The following ADAM28 variants were observed in gnomAD, a reference collection of about 807,000 sequenced individuals.
ADAM28 encodes ADAM metallopeptidase domain 28, also known as disintegrin and metalloproteinase domain-containing protein 28.
Under a neutral mutation model 101.2 loss-of-function variants are expected in ADAM28, and 105 were observed. The observed-to-expected ratio is 1.04, with a 90% CI of 0.89 to 1.22. The LOEUF (loss-of-function observed/expected upper bound fraction) is 1.22, where lower values mean the gene tolerates loss of function less well. ADAM28 is among the 50% of genes most tolerant of loss of function. The pLI, the probability that ADAM28 is intolerant of heterozygous loss-of-function variation, is 0.00. For missense variants in ADAM28, 1,028 were observed against 945.4 expected, an observed-to-expected ratio of 1.09 and a Z score of -1.15; for synonymous variants, 322 against 310.6, an observed-to-expected ratio of 1.04 and a Z score of -0.39.
At chr8:24,337,412 T>C (rs1814234429) in intron 14 of ADAM28, among the ~76,000 whole-genome samples, 1 of 152,222 alleles carries the variant, frequency 6.6e-6, no homozygotes, top group Non-Finnish European at 1.5e-5. Flanking sequence ...CAATATTAAC[T>C]GTTACCCTCC....
intron 5 of ADAM28, among the ~76,000 whole-genome samples, chr8:24,312,506 C>T (rs1284927108): frequency 6.6e-6 from 1 of 152,046 alleles, no homozygotes; most frequent in Non-Finnish European, 1.5e-5. Context: ...CTTATGCAGA[C>T]CATTGCAATA....
intron 18 of ADAM28, among the ~76,000 whole-genome samples, chr8:24,349,298 C>T (rs1815780770): frequency 6.6e-6 from 1 of 152,060 alleles, no homozygotes; most frequent in South Asian, 2.1e-4. Context: ...TTTGTCAGTA[C>T]AAGAAAAAAC....
At chr8:24,345,852 G>A (rs1305954254) in intron 18 of ADAM28, among the ~76,000 whole-genome samples, 1 of 152,088 alleles carries the variant, frequency 6.6e-6, no homozygotes, top group African/African-American at 2.4e-5. Flanking sequence ...AGCAGGATAA[G>A]GAGGTAGCTG....
intron 13 of ADAM28, among the ~76,000 whole-genome samples, chr8:24,335,188 C>CT (rs1813857237): frequency 6.6e-6 from 1 of 150,724 alleles, no homozygotes; most frequent in Non-Finnish European, 1.5e-5. Context: ...TCGTCCTGTA[C>CT]TTTTCTACAT....
chr8:24,320,997 C>T (rs1273622209), intron 7 of ADAM28, among the ~76,000 whole-genome samples: 1 of 151,870 alleles, frequency 6.6e-6, no homozygotes, highest in Non-Finnish European at 1.5e-5. Flanking sequence ...GAGCTTTATA[C>T]TGAGCTAGTA....
In ADAM28 at chr8:24,313,340, T is replaced by G. The variant is rs756201224; in HGVS notation, c.384-48T>G. On this transcript the variant is annotated intron_variant, in intron 5 of 22. Transcript: ENST00000265769. ...TGGATCTTATAAATCTGTATGAACC[T>G]AATGCAACAATATTTGTTAAGAAGC... 2.0e-6 allele frequency: 3 copies of G among 1,536,180 alleles called. No individual in the cohort carries two copies. The South Asian group carries it at 3.9e-5, about 20-fold the overall frequency.
chr8:24,350,003 C>T (rs905808868), intron 19 of ADAM28, 31 bp downstream of exon 19: 1 of 1,584,750 alleles, frequency 6.3e-7, no homozygotes. Context: ...GCTGTAGGGA[C>T]TCTTTGACCC....
At chr8:24,321,848 A>G (rs999023661) in intron 8 of ADAM28, among the ~76,000 whole-genome samples, 2 of 152,002 alleles carry the variant, frequency 1.3e-5, no homozygotes, top group African/African-American at 4.8e-5. Context: ...ACTATTGACT[A>G]TGTTCTTTAG....
chr8:24,338,997 A>G (rs1814434161), intron 14 of ADAM28, among the ~76,000 whole-genome samples: 1 of 152,028 alleles, frequency 6.6e-6, no homozygotes, highest in Admixed American at 6.6e-5. Context: ...ATATGTGTAA[A>G]TATTAAATAT....
rs2129346585 is a variant in ADAM28 at position 24,354,487 on chromosome 8, ATCTC to A, written c.*84_*87del. The A allele has an allele frequency of 2.5e-6, 2 of 815,016 alleles. No individual in the cohort carries two copies. Among genetic ancestry groups the A allele is most frequent in the South Asian group, 2.1e-5 (1 of 47,232 alleles). The allele number at this position is 815,016 out of a possible 1,614,324, so 50.5% of individuals were successfully genotyped here. Reference sequence around the variant, plus strand: ...TGGATGGCAGAGAAATATACTATCTATCTCACCAGTATTTGCTCTCGACTCAAGA... The same window carrying A: ...TGGATGGCAGAGAAATATACTATCTAACCAGTATTTGCTCTCGACTCAAGA... On this transcript the variant is annotated 3_prime_UTR_variant, in exon 23 of 23. Coordinates refer to ENST00000265769, the MANE Select transcript of ADAM28 (RefSeq NM_014265.6).
At chr8:24,347,203 T>A (rs1195360684) in intron 18 of ADAM28, among the ~76,000 whole-genome samples, 1 of 152,142 alleles carries the variant, frequency 6.6e-6, no homozygotes, top group African/African-American at 2.4e-5. Flanking sequence ...ACTCTATTAG[T>A]ACTGTCAAAT....
chr8:24,343,615 A>G (rs1315539556), intron 18 of ADAM28, 31 bp downstream of exon 18: 64 of 1,598,870 alleles, frequency 4.0e-5, no homozygotes, highest in Non-Finnish European at 5.4e-5. Flanking sequence ...AACCTGAGAA[A>G]ATTGCTCTCC....
chr8:24,342,792 C>G (rs1190467476), intron 16 of ADAM28, among the ~76,000 whole-genome samples: 1 of 152,058 alleles, frequency 6.6e-6, no homozygotes, highest in Non-Finnish European at 1.5e-5. Flanking sequence ...TTTCTGGGTC[C>G]CCTGGCATTA....
chr8:24,326,877 T>G (rs1247671288), intron 10 of ADAM28, among the ~76,000 whole-genome samples: 1 of 152,086 alleles, frequency 6.6e-6, no homozygotes, highest in Non-Finnish European at 1.5e-5. Context: ...CTCAATAAAC[T>G]AGGTATTGAA....
chr8:24,331,056 G>T, intron 11 of ADAM28, 94 bp from the exon 12 acceptor site: 1 of 1,258,294 alleles, frequency 7.9e-7, no homozygotes, highest in East Asian at 2.6e-5. Flanking sequence ...GTCTTTTGGG[G>T]CAGGCCGTGG....
intron 18 of ADAM28, among the ~76,000 whole-genome samples, chr8:24,347,597 A>G (rs927896514): frequency 6.6e-6 from 1 of 152,134 alleles, no homozygotes; most frequent in African/African-American, 2.4e-5. Flanking sequence ...TGTTCTACCA[A>G]TTACTGTGCT....
chr8:24,348,726 T>C (rs977414189), intron 18 of ADAM28, among the ~76,000 whole-genome samples: 1 of 152,204 alleles, frequency 6.6e-6, no homozygotes, highest in Non-Finnish European at 1.5e-5. Flanking sequence ...CAGTGATTTC[T>C]ATCTTCACCT....
intron 9 of ADAM28, among the ~76,000 whole-genome samples, chr8:24,325,894 A>AAAAAAAAAAAAAAAAAAAAAAAAAAAAG: frequency 7.2e-6 from 1 of 139,598 alleles, no homozygotes; most frequent in Non-Finnish European, 1.6e-5. Context: ...AAAAAAAAAA[A>AAAAAAAAAAAAAAAAAAAAAAAAAAAAG]AAAAAACCAA....
At chr8:24,302,880 A>G (rs1184667410) in intron 2 of ADAM28, among the ~76,000 whole-genome samples, 2 of 149,544 alleles carry the variant, frequency 1.3e-5, no homozygotes, top group Admixed American at 6.6e-5. Context: ...TTAACTCATC[A>G]TTTACATTAG....
Sources: gnomAD v4.1 joint callset for allele counts (sites outside exome capture counted in the v4.1 genomes callset) on GRCh38, gnomAD v4.1.1 for gene constraint, MANE v1.5 for transcripts, NCBI Gene and HGNC (gene_info 2026-07-23, HGNC 2026-07-21) for gene names.